DIP2C: variants seen among roughly 807,000 people sequenced by gnomAD.
DIP2C encodes DIP2 acetate--CoA ligase C (putative).
A neutral mutation model predicts 192.4 loss-of-function variants in DIP2C; 33 were observed. That is an observed-to-expected ratio of 0.17 (90% confidence interval 0.13 to 0.23). The LOEUF (loss-of-function observed/expected upper bound fraction) is 0.23. Ranked by LOEUF, DIP2C falls within the 10% of genes least tolerant of loss-of-function variation. DIP2C has a pLI of 1.00. For synonymous variants in DIP2C, 979 were observed against 864.1 expected (o/e 1.13, Z -2.33); for missense variants, 1,537 against 2,110.1 (o/e 0.73, Z 5.32).
chr10:552,841 T>C (rs1435470901), intron 1 of DIP2C, among the ~76,000 whole-genome samples: 1 of 151,998 alleles, frequency 6.6e-6, no homozygotes, highest in East Asian at 1.9e-4. Flanking sequence ...AGAGCAAGAC[T>C]CCATCTCAAA....
chr10:562,862 G>A (rs1001609388), intron 1 of DIP2C, among the ~76,000 whole-genome samples: 12 of 152,226 alleles, frequency 7.9e-5, no homozygotes, highest in African/African-American at 2.9e-4. Flanking sequence ...AGTGACAGTG[G>A]AAGAGCTGCC....
chr10:438,890 C>G (rs565624690), intron 4 of DIP2C, among the ~76,000 whole-genome samples: 250 of 152,166 alleles, frequency 1.6e-3, no homozygotes, highest in African/African-American at 5.6e-3. Flanking sequence ...GGTGCCATCT[C>G]AGCTCACGGC....
chr10:404,517 G>C (rs950869483), intron 9 of DIP2C, among the ~76,000 whole-genome samples: 3 of 152,112 alleles, frequency 2.0e-5, no homozygotes, highest in African/African-American at 7.2e-5. Context: ...CCTCATTCTT[G>C]AAGTTAAACA....
intron 1 of DIP2C, among the ~76,000 whole-genome samples, chr10:675,870 CA>C (rs1278308082): frequency 6.6e-6 from 1 of 152,118 alleles, no homozygotes; most frequent in Non-Finnish European, 1.5e-5. Context: ...CAAACTATTC[CA>C]AAAATATTGA....
At chr10:594,467 C>T (rs935783891) in intron 1 of DIP2C, among the ~76,000 whole-genome samples, 3 of 151,292 alleles carry the variant, frequency 2.0e-5, no homozygotes, top group Non-Finnish European at 3.0e-5. Context: ...CGAGTACAAA[C>T]CATTTCAACG....
chr10:613,683 G>T (rs1311885162), intron 1 of DIP2C, among the ~76,000 whole-genome samples: 1 of 152,162 alleles, frequency 6.6e-6, no homozygotes, highest in African/African-American at 2.4e-5. Context: ...AGATTCCTGA[G>T]AATGGAAGAA....
intron 10 of DIP2C, among the ~76,000 whole-genome samples, chr10:392,763 CACTT>C (rs1278998988): frequency 1.3e-5 from 2 of 150,910 alleles, no homozygotes; most frequent in African/African-American, 2.4e-5. Context: ...CACACACACA[CACTT>C]AACACTCTCA....
At chr10:284,047 G>A (rs1164444076) in intron 34 of DIP2C, among the ~76,000 whole-genome samples, 1 of 152,202 alleles carries the variant, frequency 6.6e-6, no homozygotes, top group African/African-American at 2.4e-5. Flanking sequence ...CATGGACAGG[G>A]CTGGGTAAAA....
At chr10:675,482 A>G (rs747302884) in intron 1 of DIP2C, among the ~76,000 whole-genome samples, 49 of 152,232 alleles carry the variant, frequency 3.2e-4, no homozygotes, top group Non-Finnish European at 6.6e-4. Flanking sequence ...AAAAGATGGG[A>G]AAAAATGTTG....
At chr10:472,766 C>T (rs1348143262) in intron 2 of DIP2C, among the ~76,000 whole-genome samples, 13 of 152,170 alleles carry the variant, frequency 8.5e-5, no homozygotes, top group Admixed American at 8.5e-4. Flanking sequence ...CCGCCACGGT[C>T]CCTTTCACAG....
At chr10:477,228 G>A (rs76450978) in intron 2 of DIP2C, among the ~76,000 whole-genome samples, 4,201 of 128,204 alleles carry the variant, frequency 0.033, 143 homozygotes, top group African/African-American at 0.087. Context: ...CAGGAAGAAT[G>A]GAGGAACGAA....
At chr10:545,051 C>T (rs1005968750) in intron 1 of DIP2C, among the ~76,000 whole-genome samples, 8 of 152,152 alleles carry the variant, frequency 5.3e-5, no homozygotes, top group Admixed American at 5.2e-4. Context: ...GCAAGATTCC[C>T]ATGTTAAAGC....
chr10:406,834 G>C (rs1403883998), intron 9 of DIP2C, among the ~76,000 whole-genome samples: 1 of 152,078 alleles, frequency 6.6e-6, no homozygotes, highest in Non-Finnish European at 1.5e-5. Flanking sequence ...CCTAAGATCA[G>C]TGCTGGAGGT....
At chr10:596,655 T>G (rs759156021) in intron 1 of DIP2C, among the ~76,000 whole-genome samples, 1 of 151,894 alleles carries the variant, frequency 6.6e-6, no homozygotes, top group Non-Finnish European at 1.5e-5. Context: ...GACAGAAGGC[T>G]GCACCCCAAG....
chr10:458,774 C>T (rs746073319), intron 3 of DIP2C, among the ~76,000 whole-genome samples: 3 of 142,152 alleles, frequency 2.1e-5, no homozygotes, highest in Non-Finnish European at 3.1e-5. Context: ...GCAGAGTGCT[C>T]GGCACCCCGT....
In DIP2C at chr10:390,110, C is replaced by T. The variant is rs374723506; in HGVS notation, c.1495-17G>A. On this transcript the variant is annotated splice_polypyrimidine_tract_variant and intron_variant, in intron 12 of 36. Coordinates refer to ENST00000280886, the MANE Select transcript of DIP2C (RefSeq NM_014974.3). ...CGTCTTGTACTGAAACGAGACAAAG[C>T]GTGAGGGAAGTGGGGCTGACAGGTC... 15 of 1,611,144 alleles carry T rather than the reference C, an allele frequency of 9.3e-6. No homozygotes were observed. The highest frequency in any genetic ancestry group is 8.9e-5 in the East Asian group (4 of 44,870).
chr10:673,724 TC>T (rs1179860854), intron 1 of DIP2C, among the ~76,000 whole-genome samples: 1 of 152,068 alleles, frequency 6.6e-6, no homozygotes, highest in Non-Finnish European at 1.5e-5. Flanking sequence ...CTTACACACT[TC>T]CCAGAAGGGC....
chr10:568,036 G>A (rs1849552342), intron 1 of DIP2C, among the ~76,000 whole-genome samples: 1 of 152,206 alleles, frequency 6.6e-6, no homozygotes, highest in African/African-American at 2.4e-5. Context: ...ATCACAGCAA[G>A]GGCAGCTGCA....
At chr10:531,669 T>G (rs566227228) in intron 1 of DIP2C, among the ~76,000 whole-genome samples, 2 of 152,082 alleles carry the variant, frequency 1.3e-5, no homozygotes, top group Admixed American at 6.5e-5. Flanking sequence ...CAGTTGTGTG[T>G]AAGGAATTCT....
Sources: allele counts gnomAD v4.1 joint callset (sites outside exome capture counted in the v4.1 genomes callset), GRCh38; gene constraint gnomAD v4.1.1; transcripts MANE v1.5; gene names NCBI Gene and HGNC (gene_info 2026-07-23, HGNC 2026-07-21).